The following PHACTR1 variants were observed in gnomAD, a reference collection of about 807,000 sequenced individuals.
PHACTR1 encodes the protein RPEL repeat containing 1.
Under a neutral mutation model 69.2 loss-of-function variants are expected in PHACTR1, and 16 were observed. The ratio of observed to expected loss-of-function variants is 0.23; its 90% CI spans 0.16 to 0.35. The LOEUF is 0.35. Among genes scored for constraint, PHACTR1 ranks in the 10% least tolerant of loss-of-function variants. The pLI, the probability that PHACTR1 is intolerant of heterozygous loss-of-function variation, is 1.00. For synonymous variants in PHACTR1, 312 were observed against 284.5 expected, an observed-to-expected ratio of 1.10 and a Z score of -0.97; for missense variants, 510 against 734.7, an observed-to-expected ratio of 0.69 and a Z score of 3.54.
At chr6:13,149,643 G>A (rs1824001787) in intron 5 of PHACTR1, among the ~76,000 whole-genome samples, 1 of 152,050 alleles carries the variant, frequency 6.6e-6, no homozygotes, top group South Asian at 2.1e-4. Context: ...GTGATCATGG[G>A]GGAGGGGCTA....
chr6:12,882,520 T>C lies in PHACTR1; in HGVS notation c.250+132730T>C, dbSNP rs549544427. Among the ~76,000 whole-genome samples the C allele has an allele frequency of 2.0e-5, 3 of 152,072 alleles. No homozygotes were observed. The South Asian group carries it at 6.2e-4, about 32-fold the overall frequency. On this transcript the variant is annotated intron_variant, in intron 4 of 14. Transcript: ENST00000332995. ...AATGCCAACTAATGCCTTGGCAGTG[T>C]AGAAAGAAATGTTTTCATCTGTTTA...
intron 4 of PHACTR1, among the ~76,000 whole-genome samples, chr6:12,770,097 C>T (rs189141157): frequency 9.2e-5 from 14 of 152,322 alleles, no homozygotes; most frequent in East Asian, 5.8e-4. Flanking sequence ...GTGAAGACTT[C>T]GGGTCCTCTT....
intron 5 of PHACTR1, among the ~76,000 whole-genome samples, chr6:13,095,384 A>G (rs2127841613): frequency 6.6e-6 from 1 of 152,328 alleles, no homozygotes; most frequent in East Asian, 1.9e-4. Flanking sequence ...AGCCTGCATC[A>G]CCATCCTCAG....
intron 8 of PHACTR1, among the ~76,000 whole-genome samples, chr6:13,218,285 C>T (rs1188864687): frequency 1.3e-5 from 2 of 152,184 alleles, no homozygotes; most frequent in Non-Finnish European, 2.9e-5. Context: ...AGTAATTCCC[C>T]TCCCATGGAT....
At chr6:13,268,450 G>A (rs190631456) in intron 10 of PHACTR1, among the ~76,000 whole-genome samples, 8 of 152,246 alleles carry the variant, frequency 5.3e-5, no homozygotes, top group South Asian at 2.1e-4. Flanking sequence ...AATATGTAAC[G>A]TCCCAGGGCA....
intron 4 of PHACTR1, among the ~76,000 whole-genome samples, chr6:12,917,615 G>C (rs935636163): frequency 6.6e-6 from 1 of 152,058 alleles, no homozygotes; most frequent in African/African-American, 2.4e-5. Context: ...AAATTAGCCA[G>C]GTGGCATCAT....
intron 5 of PHACTR1, among the ~76,000 whole-genome samples, chr6:13,141,795 TTCTCAA>T (rs956402912): frequency 6.6e-6 from 1 of 151,014 alleles, no homozygotes; most frequent in Non-Finnish European, 1.5e-5. Flanking sequence ...AAACATTTGA[TTCTCAA>T]ACCTGCCACT....
intron 4 of PHACTR1, among the ~76,000 whole-genome samples, chr6:12,942,560 G>A (rs901964984): frequency 3.3e-5 from 5 of 152,122 alleles, no homozygotes; most frequent in African/African-American, 4.8e-5. Flanking sequence ...TTGGGAGGCC[G>A]AGACAGGAGA....
chr6:13,153,012 CG>C (rs1757655894), intron 5 of PHACTR1, among the ~76,000 whole-genome samples: 2 of 151,954 alleles, frequency 1.3e-5, no homozygotes, highest in Non-Finnish European at 2.9e-5. Flanking sequence ...AGGTGCACAG[CG>C]ACTGGGAATG....
At chr6:13,186,129 T>C (rs1225542748) in intron 7 of PHACTR1, among the ~76,000 whole-genome samples, 1 of 152,162 alleles carries the variant, frequency 6.6e-6, no homozygotes, top group Non-Finnish European at 1.5e-5. Context: ...CAAATTTCCA[T>C]CAAACGGAAC....
At position 12,908,438 on chromosome 6, in the gene PHACTR1, A is replaced by G. The variant is rs532465231; in HGVS notation, c.251-144927A>G. Among the ~76,000 whole-genome samples the G allele has an allele frequency of 1.3e-4, 20 of 152,324 alleles. No homozygotes were observed. In the East Asian group the frequency reaches 3.9e-3, roughly 29 times the overall value. ...TGGTGGCTGTCCCTAACGCATTCAC[A>G]GTCTAGTGAAGAAGCCAGTGCATAC... On this transcript the variant is annotated intron_variant, in intron 4 of 14. Transcript: ENST00000332995.
chr6:13,132,729 T>TA (rs77142357), intron 5 of PHACTR1, among the ~76,000 whole-genome samples: 2,392 of 38,440 alleles, frequency 0.062, 48 homozygotes, highest in African/African-American at 0.11. Context: ...ACCGTATTGC[T>TA]AAAAAAAAAA....
At position 12,949,057 on chromosome 6, in the gene PHACTR1, A is replaced by G. The variant is rs9473057; in HGVS notation, c.251-104308A>G. 7.6e-3 allele frequency among the ~76,000 whole-genome samples: 1,162 copies of G among 152,226 alleles called. 14 individuals carry two copies. Among genetic ancestry groups the G allele is most frequent in the African/African-American group, 0.026 (1,101 of 41,548 alleles). On this transcript the variant is annotated intron_variant, in intron 4 of 14. Transcript: ENST00000332995. ...AGGCCGAGGCGGGCAGATCACCTGA[A>G]GTCAGGAGTGAGAAGCCAGTCTGAC...
intron 5 of PHACTR1, among the ~76,000 whole-genome samples, chr6:13,131,845 C>G (rs1038876984): frequency 6.6e-6 from 1 of 152,200 alleles, no homozygotes; most frequent in Non-Finnish European, 1.5e-5. Flanking sequence ...CATAACCTCC[C>G]TTAATCCTTT....
intron 4 of PHACTR1, among the ~76,000 whole-genome samples, chr6:12,773,542 A>G (rs1435426247): frequency 2.6e-5 from 4 of 152,156 alleles, no homozygotes; most frequent in African/African-American, 9.7e-5. Flanking sequence ...CATACTTGAA[A>G]AACACACTTT....
intron 4 of PHACTR1, among the ~76,000 whole-genome samples, chr6:13,047,123 G>C (rs1034199734): frequency 2.0e-5 from 3 of 152,086 alleles, no homozygotes; most frequent in African/African-American, 7.2e-5. Flanking sequence ...CACACCTGTA[G>C]TCCCAGCACT....
chr6:12,936,173 AT>A (rs1261310729), intron 4 of PHACTR1, among the ~76,000 whole-genome samples: 4 of 152,080 alleles, frequency 2.6e-5, no homozygotes, highest in African/African-American at 9.7e-5. Context: ...TTACTTTAGG[AT>A]TTTAGGAAGA....
intron 5 of PHACTR1, among the ~76,000 whole-genome samples, chr6:13,135,517 C>T (rs573155316): frequency 1.3e-4 from 20 of 152,348 alleles, no homozygotes; most frequent in African/African-American, 4.3e-4. Context: ...CGATTTATTA[C>T]ACTGAGAAGA....
intron 4 of PHACTR1, among the ~76,000 whole-genome samples, chr6:12,996,587 T>C (rs188785567): frequency 7.4e-4 from 113 of 152,346 alleles, no homozygotes; most frequent in Non-Finnish European, 1.2e-3. Context: ...TGATGAGTTT[T>C]AATAAACATT....
Sources: gnomAD v4.1 joint callset for allele counts (sites outside exome capture counted in the v4.1 genomes callset) on GRCh38, gnomAD v4.1.1 for gene constraint, MANE v1.5 for transcripts, NCBI Gene and HGNC (gene_info 2026-07-23, HGNC 2026-07-21) for gene names.